The following PLPPR5 variants were observed in gnomAD, a reference collection of about 807,000 sequenced individuals.
The protein encoded by PLPPR5 is phospholipid phosphatase related 5.
In PLPPR5, 16 loss-of-function variants were observed where a neutral mutation model predicts 33.9. That is an observed-to-expected ratio of 0.47 (90% confidence interval 0.32 to 0.72). The LOEUF is 0.72. Among genes scored for constraint, PLPPR5 ranks in the 30% least tolerant of loss-of-function variants. PLPPR5 has a pLI of 0.03. For missense variants in PLPPR5, 301 were observed against 406.7 expected (o/e 0.74, Z 2.23); for synonymous variants, 163 against 150.3 (o/e 1.08, Z -0.62).
intron 1 of PLPPR5, 60 bp downstream of exon 1, chr1:99,004,375 C>A (rs776878320): frequency 1.2e-5 from 18 of 1,448,180 alleles, no homozygotes; most frequent in Non-Finnish European, 1.7e-5. Context: ...GGGCCTCAAC[C>A]CCGAAGGCGA....
At chr1:98,972,475 C>A (rs537633933) in intron 1 of PLPPR5, among the ~76,000 whole-genome samples, 1 of 152,064 alleles carries the variant, frequency 6.6e-6, no homozygotes, top group South Asian at 2.1e-4. Context: ...TGAAAGTGAA[C>A]CTGTTATGTG....
At position 98,921,748 on chromosome 1, in the gene PLPPR5, T is replaced by A. The variant is rs1432787326; in HGVS notation, c.798+134A>T. On this transcript the variant is annotated intron_variant, in intron 4 of 5. Transcript: ENST00000263177. ...GAAATGAATGACTTAAATGATTTGT[T>A]TTATATACTTAAATGAATGATTTGT... 2.1e-5 allele frequency: 15 copies of A among 707,368 alleles called. No homozygotes were observed. The East Asian group carries it at 3.9e-4, about 18-fold the overall frequency. 43.8% of individuals were successfully genotyped at this position (707,368 alleles called of 1,614,324 possible). A position where few individuals can be genotyped will look rare whatever the true frequency, so the allele number is the denominator to read the frequency against.
Position 98,973,738 on chromosome 1 carries a change from T to C in PLPPR5, c.238-16997A>G, listed in dbSNP as rs181347569. 3.9e-5 allele frequency among the ~76,000 whole-genome samples: 6 copies of C among 151,990 alleles called. No individual in the cohort carries two copies. In the East Asian group the frequency reaches 1.2e-3, roughly 30 times the overall value. On this transcript the variant is annotated intron_variant, in intron 1 of 5. Coordinates refer to ENST00000263177, the MANE Select transcript of PLPPR5 (RefSeq NM_001037317.2). The stretch of plus-strand genomic sequence containing the variant: ...AGAGGAGGGGAAGTATAGAATGTAC[T>C]TGAAGAACAGCAAGTGGGCCCACTT...
intron 5 of PLPPR5, among the ~76,000 whole-genome samples, chr1:98,897,000 C>T (rs7529505): frequency 0.17 from 25,708 of 152,156 alleles, 2,422 homozygotes; most frequent in Non-Finnish European, 0.21. Context: ...TTTGGAATTA[C>T]AGCTATAGGA....
At chr1:98,898,655 T>C (rs1648572478) in intron 5 of PLPPR5, among the ~76,000 whole-genome samples, 1 of 152,148 alleles carries the variant, frequency 6.6e-6, no homozygotes, top group African/African-American at 2.4e-5. Context: ...GATTCTAAAA[T>C]GTATGTTGAG....
chr1:98,905,543 G>A (rs1349816421), intron 5 of PLPPR5, among the ~76,000 whole-genome samples: 2 of 151,978 alleles, frequency 1.3e-5, no homozygotes, highest in African/African-American at 2.4e-5. Flanking sequence ...TATGAAATCT[G>A]GAGAGTCTTG....
At chr1:98,928,334 G>T (rs1299263610) in intron 3 of PLPPR5, among the ~76,000 whole-genome samples, 1 of 151,756 alleles carries the variant, frequency 6.6e-6, no homozygotes, top group Non-Finnish European at 1.5e-5. Flanking sequence ...GATTTCAGAT[G>T]AAAATTTAGT....
At position 98,921,892 on chromosome 1, in the gene PLPPR5, G is replaced by C. The variant is rs1649568385; in HGVS notation, c.788C>G (p.Ala263Gly). 1.2e-6 allele frequency: 2 copies of C among 1,612,210 alleles called. No homozygotes were observed. Among genetic ancestry groups the C allele is most frequent in the African/African-American group, 2.7e-5 (2 of 74,948 alleles). Reference protein sequence around the residue: ...IAGFLVGISIAVFLVVCVVNN... With the variant: ...IAGFLVGISIGVFLVVCVVNN... ...TAAATTTGTACTTACCAGAAATACTGCTATAGATATTCCAACCAGAAAGCC... is the reference window on the plus strand; with the variant it reads ...TAAATTTGTACTTACCAGAAATACTCCTATAGATATTCCAACCAGAAAGCC... The change falls in exon 4 of 6, where the codon GCA (alanine) becomes GGA (glycine). Residue 263 changes from alanine to glycine, a missense_variant. Physicochemically the swap from Ala to Gly is moderately conservative, Grantham distance 60. Transcript: ENST00000263177.
At chr1:98,923,002 C>A (rs7411810) in intron 3 of PLPPR5, among the ~76,000 whole-genome samples, 70,405 of 150,342 alleles carry the variant, frequency 0.47, 17,935 homozygotes, top group East Asian at 0.74. Context: ...ACAACAACAA[C>A]AAAAAAAAAC....
chr1:99,004,902 T>G, upstream of PLPPR5: 5 of 188,288 alleles, frequency 2.7e-5, no homozygotes, highest in South Asian at 1.9e-4. Flanking sequence ...CCCTCTCCCC[T>G]GCCCGCCCCC....
chr1:98,911,916 C>T (rs1649166214), intron 5 of PLPPR5, among the ~76,000 whole-genome samples: 1 of 152,008 alleles, frequency 6.6e-6, no homozygotes, highest in Non-Finnish European at 1.5e-5. Flanking sequence ...CATGCCACCG[C>T]ACCTGGCTAA....
At chr1:98,968,189 T>C (rs1401808568) in intron 1 of PLPPR5, among the ~76,000 whole-genome samples, 1 of 107,314 alleles carries the variant, frequency 9.3e-6, no homozygotes, top group South Asian at 2.7e-4. Context: ...CTAAGGAAAA[T>C]GAATACACTC....
intron 3 of PLPPR5, among the ~76,000 whole-genome samples, chr1:98,925,523 T>C (rs1474375243): frequency 1.2e-4 from 18 of 152,198 alleles, no homozygotes; most frequent in Admixed American, 9.8e-4. Context: ...AACACACATA[T>C]AAAAAGGTTT....
intron 5 of PLPPR5, among the ~76,000 whole-genome samples, chr1:98,901,235 C>T (rs1280758871): frequency 6.6e-6 from 1 of 152,026 alleles, no homozygotes; most frequent in Non-Finnish European, 1.5e-5. Context: ...TATATAATAT[C>T]CTGAGAATGG....
intron 1 of PLPPR5, among the ~76,000 whole-genome samples, chr1:98,962,875 C>T (rs974829573): frequency 3.3e-5 from 5 of 151,976 alleles, no homozygotes; most frequent in African/African-American, 4.8e-5. Context: ...GCTATGTTGC[C>T]GGTCTTGAAC....
At chr1:98,974,339 A>G (rs1570747288) in intron 1 of PLPPR5, among the ~76,000 whole-genome samples, 1 of 152,142 alleles carries the variant, frequency 6.6e-6, no homozygotes, top group Non-Finnish European at 1.5e-5. Flanking sequence ...AAAGCTTGAC[A>G]GTAATGAAAG....
Position 98,968,984 on chromosome 1 carries a change from T to C in PLPPR5, c.238-12243A>G, listed in dbSNP as rs372342932. ...GCCGAGTAGCTTAAGCTTTCTCGTA[T>C]GAAATTCTGAATTTATGAGTATAGT... On this transcript the variant is annotated intron_variant, in intron 1 of 5. Coordinates refer to ENST00000263177, the MANE Select transcript of PLPPR5 (RefSeq NM_001037317.2). Among the ~76,000 whole-genome samples, 10 of 152,124 alleles carry C rather than the reference T, an allele frequency of 6.6e-5. No individual in the cohort carries two copies. In the East Asian group the frequency reaches 1.9e-3, roughly 29 times the overall value.
chr1:98,914,476 G>A (rs1008394338), intron 5 of PLPPR5, among the ~76,000 whole-genome samples: 7 of 152,028 alleles, frequency 4.6e-5, no homozygotes, highest in Non-Finnish European at 8.8e-5. Flanking sequence ...TGGTAAAGAT[G>A]AGGTTTCTCC....
intron 5 of PLPPR5, among the ~76,000 whole-genome samples, chr1:98,904,260 CCT>C (rs1648810192): frequency 7.2e-6 from 1 of 138,066 alleles, no homozygotes; most frequent in African/African-American, 2.6e-5. Context: ...CATTACTTTC[CCT>C]TTTTTTTTTT....
Sources: allele counts gnomAD v4.1 joint callset (sites outside exome capture counted in the v4.1 genomes callset), GRCh38; gene constraint gnomAD v4.1.1; transcripts MANE v1.5; gene names NCBI Gene and HGNC (gene_info 2026-07-23, HGNC 2026-07-21).